CYP2J2: variants seen among roughly 807,000 people sequenced by gnomAD.
The protein encoded by CYP2J2 is cytochrome P450 2J2.
CYP2J2 carries 41 observed loss-of-function variants against 48.8 expected under a neutral mutation model. That is an observed-to-expected ratio of 0.84 (90% CI 0.66 to 1.09). The LOEUF (loss-of-function observed/expected upper bound fraction) is 1.09. Among genes scored for constraint, CYP2J2 ranks in the 50% least tolerant of loss-of-function variants. CYP2J2 has a pLI of 0.00. For missense variants in CYP2J2, 644 were observed against 617.3 expected (o/e 1.04, Z -0.46); for synonymous variants, 221 against 227.1 (o/e 0.97, Z 0.24).
intron 1 of CYP2J2, among the ~76,000 whole-genome samples, chr1:59,924,422 T>C (rs1054967925): frequency 5.9e-5 from 9 of 152,190 alleles, no homozygotes; most frequent in African/African-American, 2.2e-4. Flanking sequence ...TCTTGAGTTT[T>C]CAAAATTGCA....
At chr1:59,911,371 C>G (rs1644412380) in intron 4 of CYP2J2, among the ~76,000 whole-genome samples, 1 of 152,068 alleles carries the variant, frequency 6.6e-6, no homozygotes, top group Non-Finnish European at 1.5e-5. Context: ...AGGCGTATGT[C>G]ATATAACATG....
Position 59,907,808 on chromosome 1 carries a change from C to A in CYP2J2, c.981G>T (p.Met327Ile). ...STTLRWALLY[M>I]ALYPEIQEKV... ...CACCTTGGATTTCTGGGTAGAGGGC[C>A]ATATAAAGCAGAGCCCATCGCAGAG... The change falls in exon 6 of 9, where the codon ATG becomes ATT. Residue 327 changes from methionine (M) to isoleucine (I), a missense_variant. Physicochemically the swap from Met to Ile is conservative, Grantham distance 10. Transcript: ENST00000371204. The A allele has an allele frequency of 1.4e-5, 23 of 1,613,838 alleles. No individual in the cohort carries two copies. The highest frequency in any genetic ancestry group is 1.9e-5 in the Non-Finnish European group (23 of 1,179,918).
chr1:59,955,734 T>G, the CYP2J2 span, among the ~76,000 whole-genome samples: 1 of 152,012 alleles, frequency 6.6e-6, no homozygotes, highest in Non-Finnish European at 1.5e-5. Flanking sequence ...CGAGGAAACA[T>G]TAGATAAAAT....
the CYP2J2 span, among the ~76,000 whole-genome samples, chr1:59,948,243 T>C: frequency 6.6e-6 from 1 of 152,194 alleles, no homozygotes; most frequent in East Asian, 1.9e-4. Flanking sequence ...CTTGCATCCA[T>C]TCTTTTCTCC....
intron 8 of CYP2J2, among the ~76,000 whole-genome samples, chr1:59,900,235 T>A (rs1644305214): frequency 6.6e-6 from 1 of 152,232 alleles, no homozygotes; most frequent in African/African-American, 2.4e-5. Flanking sequence ...AAGTTTCTCC[T>A]TCCCCTTGTC....
At position 59,893,794 on chromosome 1, in the gene CYP2J2, T is replaced by C. The variant is rs1177393120; in HGVS notation, c.1366A>G (p.Thr456Ala). 4 of 1,612,068 alleles carry C rather than the reference T, an allele frequency of 2.5e-6. No individual in the cohort carries two copies. Among genetic ancestry groups the C allele is most frequent in the Non-Finnish European group, 2.5e-6 (3 of 1,179,212 alleles). Residue 456 changes from threonine (T) to alanine (A), a missense_variant, in exon 9 of 9, where the codon ACT becomes GCT. Transcript: ENST00000371204. Reference protein sequence around the residue: ...RACLGEQLARTELFIFFTSLM... With the variant: ...RACLGEQLARAELFIFFTSLM... Reference sequence around the variant, plus strand: ...GAAGTGAAGAAAATAAACAGCTCAGTCCTGGCCAACTGTTCTCCGAGGCAT... The same window carrying C: ...GAAGTGAAGAAAATAAACAGCTCAGCCCTGGCCAACTGTTCTCCGAGGCAT...
intron 1 of CYP2J2, among the ~76,000 whole-genome samples, chr1:59,926,038 A>C (rs1013387645): frequency 1.3e-5 from 2 of 152,136 alleles, no homozygotes; most frequent in African/African-American, 4.8e-5. Flanking sequence ...GTTTGGCAAA[A>C]ATTTAAGCAG....
At chr1:59,948,498 C>A in the CYP2J2 span, among the ~76,000 whole-genome samples, 2 of 152,014 alleles carry the variant, frequency 1.3e-5, no homozygotes, top group South Asian at 4.2e-4. Flanking sequence ...ATAAAACATA[C>A]AAAAATAAAA....
chr1:59,912,083 GCACTTACT>G (rs1189098880), intron 3 of CYP2J2, 71 bp downstream of exon 3: 2 of 1,405,246 alleles, frequency 1.4e-6, no homozygotes, highest in Non-Finnish European at 1.9e-6. Flanking sequence ...CATAGAACAA[GCACTTACT>G]CACTTAGTAA....
intron 2 of CYP2J2, among the ~76,000 whole-genome samples, chr1:59,915,515 C>T (rs78866136): frequency 6.6e-6 from 1 of 152,124 alleles, no homozygotes; most frequent in Non-Finnish European, 1.5e-5. Flanking sequence ...GGCTCAAGAT[C>T]CTCTGTGTGA....
chr1:59,895,122 C>A (rs773600169), intron 8 of CYP2J2, among the ~76,000 whole-genome samples: 40 of 152,340 alleles, frequency 2.6e-4, no homozygotes, highest in African/African-American at 8.9e-4. Flanking sequence ...GAAATTAACA[C>A]TGATGCATGA....
intron 3 of CYP2J2, 78 bp from the exon 4 acceptor site, chr1:59,911,846 G>C: frequency 7.1e-7 from 1 of 1,413,748 alleles, no homozygotes; most frequent in Non-Finnish European, 9.8e-7. Flanking sequence ...ACTTTACATG[G>C]CATAAGACAT....
chr1:59,920,093 C>T (rs1280370907), intron 1 of CYP2J2, among the ~76,000 whole-genome samples: 1 of 151,802 alleles, frequency 6.6e-6, no homozygotes, highest in Admixed American at 6.6e-5. Context: ...GATTTTCCAC[C>T]ACAGATATAA....
the CYP2J2 span, among the ~76,000 whole-genome samples, chr1:59,953,405 A>G: frequency 0.12 from 18,695 of 152,118 alleles, 1,543 homozygotes; most frequent in African/African-American, 0.24. Flanking sequence ...TTCTAGAGAA[A>G]AAGAGTAAAT....
chr1:59,963,280 C>T, the CYP2J2 span, among the ~76,000 whole-genome samples: 2 of 152,168 alleles, frequency 1.3e-5, no homozygotes, highest in African/African-American at 4.8e-5. Context: ...GTACAACCAT[C>T]AGCACTATGT....
At chr1:59,936,218 T>C in the CYP2J2 span, among the ~76,000 whole-genome samples, 1 of 152,230 alleles carries the variant, frequency 6.6e-6, no homozygotes, top group Non-Finnish European at 1.5e-5. Flanking sequence ...TTTTTAAGAT[T>C]AGGAAACTGA....
chr1:59,926,328 T>C (rs1644563628), intron 1 of CYP2J2, among the ~76,000 whole-genome samples: 1 of 152,192 alleles, frequency 6.6e-6, no homozygotes, highest in African/African-American at 2.4e-5. Context: ...AAACATTTAA[T>C]AATATTCCAT....
chr1:59,894,872 T>TTCAACAACCCAACAACCCAAC (rs1377013262), intron 8 of CYP2J2, among the ~76,000 whole-genome samples: 1 of 152,200 alleles, frequency 6.6e-6, no homozygotes, highest in African/African-American at 2.4e-5. Flanking sequence ...TTTTGGGTGG[T>TTCAACAACCCAACAACCCAAC]AGCATTACTC....
chr1:59,968,995 G>A, the CYP2J2 span, among the ~76,000 whole-genome samples: 3 of 152,108 alleles, frequency 2.0e-5, no homozygotes, highest in African/African-American at 4.8e-5. Context: ...GCAGACTTTC[G>A]CCGTGAGTGT....
Sources: allele counts gnomAD v4.1 joint callset (sites outside exome capture counted in the v4.1 genomes callset), GRCh38; gene constraint gnomAD v4.1.1; transcripts MANE v1.5; gene names NCBI Gene and HGNC (gene_info 2026-07-23, HGNC 2026-07-21).